The following ITPR3 variants were observed in gnomAD, a reference collection of about 807,000 sequenced individuals.
The protein encoded by ITPR3 is inositol 1,4,5-trisphosphate receptor type 3, also known as inositol 1,4,5-trisphosphate-gated calcium channel ITPR3.
In ITPR3, 173 loss-of-function variants were observed where a neutral mutation model predicts 293.2. The observed-to-expected ratio is 0.59, with a 90% confidence interval of 0.52 to 0.67. ITPR3 has a LOEUF of 0.67. ITPR3 is among the 30% of genes least tolerant of loss of function. The probability of loss-of-function intolerance (pLI) is 0.00; values close to 1 mark genes in which losing one functional copy is unlikely to be tolerated. For missense variants in ITPR3, 2,796 were observed against 3,592.1 expected (o/e 0.78, Z 5.66); for synonymous variants, 1,295 against 1,444.4 (o/e 0.90, Z 2.35).
chr6:33,650,961 A>C (rs1245214054), intron 2 of ITPR3, among the ~76,000 whole-genome samples: 3 of 151,820 alleles, frequency 2.0e-5, no homozygotes, highest in Non-Finnish European at 4.4e-5. Flanking sequence ...TTGAGCATAT[A>C]CTGGTTATTG....
Position 33,670,640 on chromosome 6 carries a change from G to A in ITPR3, c.2442-31G>A. Reference sequence around the variant, plus strand: ...GAGGCTGGAGTGGGTGTATCTCGGGGACCTTCATGCCTCATGGCCTCCACC... The same window carrying A: ...GAGGCTGGAGTGGGTGTATCTCGGGAACCTTCATGCCTCATGGCCTCCACC... On this transcript the variant is annotated intron_variant, in intron 19 of 57. Coordinates refer to ENST00000605930, the MANE Select transcript of ITPR3 (RefSeq NM_002224.4). This position sits in a 1 kb window ranked among gnomAD's most constrained non-coding sequence, Gnocchi z 6.7. The A allele has an allele frequency of 2.5e-6, 4 of 1,613,598 alleles. No individual in the cohort carries two copies. Among genetic ancestry groups the A allele is most frequent in the Non-Finnish European group, 3.4e-6 (4 of 1,179,874 alleles).
Position 33,678,451 on chromosome 6 carries a change from T to C in ITPR3, c.3679T>C (p.Tyr1227His). 1 of 1,613,756 alleles carries C rather than the reference T, an allele frequency of 6.2e-7. No homozygotes were observed. The highest frequency in any genetic ancestry group is 1.3e-5 in the African/African-American group (1 of 75,052). Residue 1227 changes from tyrosine (Y) to histidine (H), a missense_variant, in exon 29 of 58, where the codon TAC (tyrosine) becomes CAC (histidine). Physicochemically the swap from Tyr to His is moderately conservative, Grantham distance 83 (BLOSUM62 2). This residue lies in a region of ITPR3 where 344 missense variants were observed against 460.3 expected (regional missense o/e 0.75). Coordinates refer to ENST00000605930, the MANE Select transcript of ITPR3 (RefSeq NM_002224.4). ...TGCCAAGATGATGGAGATCCTGCGC[T>C]ACACGCACCAGTTCCTGCAGAAGTT... is the stretch of plus-strand genomic sequence containing the variant. ...GDAKMMEILR[Y>H]THQFLQKFCA...
chr6:33,648,737 G>A (rs1684716571), intron 2 of ITPR3, among the ~76,000 whole-genome samples: 1 of 151,980 alleles, frequency 6.6e-6, no homozygotes, highest in Admixed American at 6.6e-5. Flanking sequence ...GATCACAGGT[G>A]CGTGTCAACA....
rs747197291 is a variant in ITPR3 at position 33,671,184 on chromosome 6, A to G, written c.2606A>G (p.Asn869Ser). The change falls in exon 21 of 58, where the codon AAT becomes AGT. Residue 869 changes from asparagine to serine, a missense_variant. By Grantham distance (46) the Asn-to-Ser change is conservative. Coordinates refer to ENST00000605930, the MANE Select transcript of ITPR3 (RefSeq NM_002224.4). ...TCGCAGGTGGTCAGCCTGGCGCACAATCTCATCTACTTCGGCTTCTACAGC... is the reference window on the plus strand; with the variant it reads ...TCGCAGGTGGTCAGCCTGGCGCACAGTCTCATCTACTTCGGCTTCTACAGC... ...LTFEVVSLAH[N>S]LIYFGFYSFS... is the part of the protein sequence containing the mutation. 5.6e-6 allele frequency: 9 copies of G among 1,613,164 alleles called. No individual in the cohort carries two copies. The highest frequency in any genetic ancestry group is 2.7e-5 in the African/African-American group (2 of 74,710).
intron 2 of ITPR3, among the ~76,000 whole-genome samples, chr6:33,643,413 C>G (rs951278766): frequency 6.6e-6 from 1 of 152,224 alleles, no homozygotes; most frequent in African/African-American, 2.4e-5. Context: ...CCTTCGAAGC[C>G]ACCCTAAGCC....
At position 33,678,990 on chromosome 6, in the gene ITPR3, G is replaced by A. The variant is rs149622609; in HGVS notation, c.3972+151G>A. ...CCATGGAGGGGACGCAGAGGGAGAA[G>A]TGAGGCTGCAGATGTGGTAGAACTC... On this transcript the variant is annotated intron_variant, in intron 30 of 57. Transcript: ENST00000605930. 2.9e-3 allele frequency: 2,337 copies of A among 813,512 alleles called. 27 individuals are homozygous for A. Among genetic ancestry groups the A allele is most frequent in the Middle Eastern group, 0.02 (59 of 2,920 alleles). 50.4% of individuals were successfully genotyped at this position (813,512 alleles called of 1,614,324 possible). A position where few individuals can be genotyped will look rare whatever the true frequency, so the allele number is the denominator to read the frequency against.
Position 33,677,636 on chromosome 6 carries a change from C to G in ITPR3, c.3648+7C>G. 1 of 1,613,046 alleles carries G rather than the reference C, an allele frequency of 6.2e-7. No individual in the cohort carries two copies. Among genetic ancestry groups the G allele is most frequent in the Non-Finnish European group, 8.5e-7 (1 of 1,179,324 alleles). On this transcript the variant is annotated splice_region_variant and intron_variant, in intron 28 of 57. Transcript: ENST00000605930. ...GCAGATCCCCTATGACAAGGTGGCT[C>G]TGACTTCTGACCTCTGACTCCCCAG...
Position 33,675,157 on chromosome 6 carries a change from C to T in ITPR3, c.3117-534C>T, listed in dbSNP as rs1386133945. On this transcript the variant is annotated intron_variant, in intron 24 of 57. Transcript: ENST00000605930. The surrounding 1 kb of genome is among the most constrained non-coding windows in gnomAD (Gnocchi z 5.0). ...TTGTTTCTGGCTAGGTGTGGTCGCTCATGCTTGTAATCCCAGCACTTTGGG... is the reference window on the plus strand; with the variant it reads ...TTGTTTCTGGCTAGGTGTGGTCGCTTATGCTTGTAATCCCAGCACTTTGGG... Among the ~76,000 whole-genome samples the T allele has an allele frequency of 2.0e-5, 3 of 152,150 alleles. No individual in the cohort carries two copies. Among genetic ancestry groups the T allele is most frequent in the Non-Finnish European group, 4.4e-5 (3 of 68,018 alleles).
intron 21 of ITPR3, 48 bp downstream of exon 21, chr6:33,671,354 T>C (rs896420430): frequency 2.1e-6 from 3 of 1,414,610 alleles, no homozygotes; most frequent in Non-Finnish European, 2.9e-6. Flanking sequence ...CTCAGCCTCC[T>C]CCTAGCACAG....
rs748593032 is a variant in ITPR3 at position 33,687,351 on chromosome 6, G to A, written c.6177+24G>A. On this transcript the variant is annotated intron_variant, in intron 45 of 57. Coordinates refer to ENST00000605930, the MANE Select transcript of ITPR3 (RefSeq NM_002224.4). The surrounding 1 kb of genome is among the most constrained non-coding windows in gnomAD (Gnocchi z 5.3). ...AGGTACCAGTTCCACCCGTGGCAACGGCCATCACCCCCCTGGCCACCATAC... is the reference window on the plus strand; with the variant it reads ...AGGTACCAGTTCCACCCGTGGCAACAGCCATCACCCCCCTGGCCACCATAC... The A allele has an allele frequency of 3.5e-5, 54 of 1,563,514 alleles. No homozygotes were observed. The South Asian group carries it at 4.3e-4, about 12-fold the overall frequency.
At position 33,691,546 on chromosome 6, in the gene ITPR3, C is replaced by A. The variant is rs991304125; in HGVS notation, c.7226-69C>A. Reference sequence around the variant, plus strand: ...GGAAGGTTTCCTGGAGGATGTGACACTGGGGACAGAGCCAGGGGATAAGGC... The same window carrying A: ...GGAAGGTTTCCTGGAGGATGTGACAATGGGGACAGAGCCAGGGGATAAGGC... On this transcript the variant is annotated intron_variant, in intron 52 of 57. Transcript: ENST00000605930. This position sits in a 1 kb window ranked among gnomAD's most constrained non-coding sequence, Gnocchi z 4.9. The A allele has an allele frequency of 7.5e-7, 1 of 1,328,650 alleles. No individual in the cohort carries two copies. Among genetic ancestry groups the A allele is most frequent in the Non-Finnish European group, 1.1e-6 (1 of 935,414 alleles). 82.3% of individuals were successfully genotyped at this position (1,328,650 alleles called of 1,614,324 possible).
rs527807208 is a variant in ITPR3, at chr6:33,638,108, C to T, written c.90-2376C>T. On this transcript the variant is annotated intron_variant, in intron 1 of 57. Transcript: ENST00000605930. The surrounding 1 kb of genome is among the most constrained non-coding windows in gnomAD (Gnocchi z 4.3). ...ACAACCTCTGCCTCCTGGGTTCAAG[C>T]GATTCTTCTGCCTCAGCTTCCTGTG... is the stretch of plus-strand genomic sequence containing the variant. 3.3e-5 allele frequency among the ~76,000 whole-genome samples: 5 copies of T among 152,248 alleles called. No homozygotes were observed. The highest frequency in any genetic ancestry group is 7.2e-5 in the African/African-American group (3 of 41,538).
At chr6:33,693,503 C>T (rs1332816724) in intron 55 of ITPR3, 42 bp from the exon 56 acceptor site, 2 of 1,606,932 alleles carry the variant, frequency 1.2e-6, no homozygotes, top group Non-Finnish European at 1.7e-6. Context: ...TGCAGTGGCT[C>T]TTGAAGGCTG....
chr6:33,677,385 C>T, intron 27 of ITPR3, 119 bp from the exon 28 acceptor site: 1 of 1,425,018 alleles, frequency 7.0e-7, no homozygotes, highest in Non-Finnish European at 9.6e-7. Flanking sequence ...GATTCAGCGC[C>T]TGTGACCTCC....
chr6:33,676,933 G>A lies in ITPR3; in HGVS notation c.3447+1G>A. The A allele has an allele frequency of 6.2e-7, 1 of 1,614,136 alleles. No homozygotes were observed. The highest frequency in any genetic ancestry group is 8.5e-7 in the Non-Finnish European group (1 of 1,179,978). Reference sequence around the variant, plus strand: ...AGGCGCCGCCAAGGACAAGAAAGAGGTAAGTGGGGCTCCAGGGGGCCAGGG... The same window carrying A: ...AGGCGCCGCCAAGGACAAGAAAGAGATAAGTGGGGCTCCAGGGGGCCAGGG... On this transcript the variant is annotated splice_donor_variant, in intron 26 of 57. Coordinates refer to ENST00000605930, the MANE Select transcript of ITPR3 (RefSeq NM_002224.4). LOFTEE classifies it high-confidence loss of function.
In ITPR3 at chr6:33,621,636, G is replaced by T; in HGVS notation, c.34G>T (p.Asp12Tyr). Residue 12 changes from aspartate to tyrosine, a missense_variant, in exon 1 of 58, where the codon GAC (aspartate) becomes TAC (tyrosine). Coordinates refer to ENST00000605930, the MANE Select transcript of ITPR3 (RefSeq NM_002224.4). This position sits in a 1 kb window ranked among gnomAD's most constrained non-coding sequence, Gnocchi z 7.7. ...SEMSSFLHIG[D>Y]IVSLYAEGSV... ...AATGTCCAGCTTTCTTCACATCGGGGACATCGTCTCCCTGTACGCCGAGGG... is the reference window on the plus strand; with the variant it reads ...AATGTCCAGCTTTCTTCACATCGGGTACATCGTCTCCCTGTACGCCGAGGG... 6.2e-7 allele frequency: 1 copy of T among 1,609,552 alleles called. No homozygotes were observed. The highest frequency in any genetic ancestry group is 1.1e-5 in the South Asian group (1 of 90,248).
intron 7 of ITPR3, 118 bp downstream of exon 7, chr6:33,659,667 A>AC (rs1015851553): frequency 3.3e-5 from 27 of 807,806 alleles, no homozygotes; most frequent in Non-Finnish European, 4.9e-5. Flanking sequence ...CCAGCTTTGC[A>AC]CCCCCCAGCC....
Position 33,688,401 on chromosome 6 carries a change from A to G in ITPR3, c.6538A>G (p.Asn2180Asp). 7.1e-7 allele frequency: 1 copy of G among 1,402,890 alleles called. No individual in the cohort carries two copies. Among genetic ancestry groups the G allele is most frequent in the Middle Eastern group, 2.0e-4 (1 of 5,002 alleles). 86.9% of individuals were successfully genotyped at this position (1,402,890 alleles called of 1,614,324 possible). ...DFFDQSSFLHNEMEWQRKLRS... is the reference protein window; with the variant it reads ...DFFDQSSFLHDEMEWQRKLRS... ...CTTCGACCAGTCCTCCTTCCTGCACAACGAGATGGAGTGGCAGCGCAAGCT... is the reference window on the plus strand; with the variant it reads ...CTTCGACCAGTCCTCCTTCCTGCACGACGAGATGGAGTGGCAGCGCAAGCT... The change falls in exon 48 of 58, where the codon AAC becomes GAC. Residue 2180 changes from asparagine to aspartate, a missense_variant. Around this residue, in one of 8 missense-constraint regions of ITPR3, gnomAD observed 568 missense variants for 796.1 expected, o/e 0.71. Coordinates refer to ENST00000605930, the MANE Select transcript of ITPR3 (RefSeq NM_002224.4).
At chr6:33,645,052 G>C (rs1402740603) in intron 2 of ITPR3, among the ~76,000 whole-genome samples, 1 of 151,392 alleles carries the variant, frequency 6.6e-6, no homozygotes, top group Non-Finnish European at 1.5e-5. Flanking sequence ...CTGGTTCCTG[G>C]CCAGGCATAG....
Sources: gnomAD v4.1 joint callset for allele counts (sites outside exome capture counted in the v4.1 genomes callset) on GRCh38, gnomAD v4.1.1 for gene constraint, gnomAD v4.1.1 regional missense constraint, Gnocchi (gnomAD v3.1) non-coding constraint, MANE v1.5 for transcripts, NCBI Gene and HGNC (gene_info 2026-07-23, HGNC 2026-07-21) for gene names.